LHFPL2: variants seen among roughly 807,000 people sequenced by gnomAD.
The protein encoded by LHFPL2 is LHFPL tetraspan subfamily member 2.
A neutral mutation model predicts 17.5 loss-of-function variants in LHFPL2; 7 were observed. The ratio of observed to expected loss-of-function variants is 0.40; its 90% CI spans 0.23 to 0.75. The LOEUF (loss-of-function observed/expected upper bound fraction) is 0.75, where lower values mean the gene tolerates loss of function less well. LHFPL2 is among the 30% of genes least tolerant of loss of function. LHFPL2 has a pLI of 0.37. For synonymous variants in LHFPL2, 134 were observed against 116.2 expected (o/e 1.15, Z -0.99); for missense variants, 241 against 294.8 (o/e 0.82, Z 1.34).
intron 1 of LHFPL2, among the ~76,000 whole-genome samples, chr5:78,632,946 G>C (rs531795133): frequency 2.9e-4 from 44 of 152,142 alleles, no homozygotes; most frequent in Non-Finnish European, 5.3e-4. Context: ...CAGCAAGACG[G>C]GGGGGTCCTG....
At position 78,634,388 on chromosome 5, in the gene LHFPL2, T is replaced by A. The variant is rs571349050; in HGVS notation, c.-349-2020A>T. 2.4e-4 allele frequency among the ~76,000 whole-genome samples: 37 copies of A among 152,310 alleles called. No homozygotes were observed. The South Asian group carries it at 6.6e-3, about 27-fold the overall frequency. ...GGCAGTGAGGACACTGTATTCTCAG[T>A]GCACCTCAAGTAGTGCTGCAGAAAA... is the stretch of plus-strand genomic sequence containing the variant. On this transcript the variant is annotated intron_variant, in intron 1 of 4. Transcript: ENST00000380345.
At chr5:78,511,762 GATGT>G (rs1159629319) in intron 3 of LHFPL2, among the ~76,000 whole-genome samples, 1 of 152,198 alleles carries the variant, frequency 6.6e-6, no homozygotes, top group Non-Finnish European at 1.5e-5. Flanking sequence ...CTTGAAACAT[GATGT>G]ATTTTAAAAT....
At position 78,585,010 on chromosome 5, in the gene LHFPL2, T is replaced by G. The variant is rs1184619892; in HGVS notation, c.-244-20139A>C. Among the ~76,000 whole-genome samples the G allele has an allele frequency of 1.1e-4, 6 of 53,762 alleles. 2 individuals are homozygous for G. Among genetic ancestry groups the G allele is most frequent in the Non-Finnish European group, 3.0e-4 (6 of 19,864 alleles). The allele number at this position is 53,762 out of a possible 152,430, so 35.3% of individuals were successfully genotyped here. ...GGTGCGCTGTGTTTTTTTTTTTTTT[T>G]TTTTTTTTTTTTTTGAGACGGAGTC... On this transcript the variant is annotated intron_variant, in intron 2 of 4. Coordinates refer to ENST00000380345, the MANE Select transcript of LHFPL2 (RefSeq NM_005779.3).
intron 3 of LHFPL2, among the ~76,000 whole-genome samples, chr5:78,515,662 G>T (rs554100348): frequency 2.4e-4 from 36 of 152,338 alleles, no homozygotes; most frequent in African/African-American, 8.7e-4. Flanking sequence ...GAGAATGACA[G>T]CTACCTGTTT....
At chr5:78,529,642 CA>C (rs71001112) in intron 3 of LHFPL2, among the ~76,000 whole-genome samples, 1,913 of 136,728 alleles carry the variant, frequency 0.014, 40 homozygotes, top group African/African-American at 0.048. Context: ...GACTCCGTCT[CA>C]AAAAAAAAAA....
intron 2 of LHFPL2, among the ~76,000 whole-genome samples, chr5:78,588,668 C>T (rs1163428871): frequency 6.6e-6 from 1 of 152,176 alleles, no homozygotes; most frequent in Non-Finnish European, 1.5e-5. Flanking sequence ...TGTTTAAGAG[C>T]TCTGAGGCCA....
chr5:78,640,568 T>C (rs1268476870), intron 1 of LHFPL2, among the ~76,000 whole-genome samples: 2 of 152,216 alleles, frequency 1.3e-5, no homozygotes, highest in Non-Finnish European at 2.9e-5. Context: ...TGATCCAGTT[T>C]TGTACAAAAA....
At chr5:78,570,476 G>A (rs1756967991) in intron 2 of LHFPL2, among the ~76,000 whole-genome samples, 1 of 152,064 alleles carries the variant, frequency 6.6e-6, no homozygotes, top group South Asian at 2.1e-4. Flanking sequence ...CCACCTCTGT[G>A]AACTCCTTCT....
intron 2 of LHFPL2, among the ~76,000 whole-genome samples, chr5:78,588,949 A>G (rs1743529104): frequency 6.6e-6 from 1 of 152,212 alleles, no homozygotes; most frequent in Admixed American, 6.5e-5. Flanking sequence ...GTGCTAAGAA[A>G]AGGGGAGGGA....
At chr5:78,634,250 G>T (rs1342042398) in intron 1 of LHFPL2, among the ~76,000 whole-genome samples, 2 of 152,210 alleles carry the variant, frequency 1.3e-5, no homozygotes, top group African/African-American at 4.8e-5. Context: ...TAGCACTCAG[G>T]TCATGAAGGG....
At chr5:78,514,753 C>G (rs1260252715) in intron 3 of LHFPL2, among the ~76,000 whole-genome samples, 1 of 152,186 alleles carries the variant, frequency 6.6e-6, no homozygotes, top group African/African-American at 2.4e-5. Flanking sequence ...CTGATGGGAA[C>G]AGCACACCCA....
At chr5:78,494,997 T>G (rs536241109) in intron 4 of LHFPL2, among the ~76,000 whole-genome samples, 1 of 152,192 alleles carries the variant, frequency 6.6e-6, no homozygotes, top group Non-Finnish European at 1.5e-5. Context: ...ATGTCTTAGG[T>G]AAATTTTTAA....
At chr5:78,519,785 C>A (rs748897514) in intron 3 of LHFPL2, among the ~76,000 whole-genome samples, 3 of 152,262 alleles carry the variant, frequency 2.0e-5, no homozygotes, top group African/African-American at 4.8e-5. Context: ...GGCATAAATG[C>A]GACCACTTCT....
chr5:78,627,804 G>A (rs1027728342), intron 2 of LHFPL2, among the ~76,000 whole-genome samples: 9 of 152,178 alleles, frequency 5.9e-5, no homozygotes, highest in East Asian at 1.9e-4. Flanking sequence ...TTGACACTCC[G>A]AATAATGCTC....
intron 3 of LHFPL2, among the ~76,000 whole-genome samples, chr5:78,512,016 C>T (rs956941769): frequency 2.0e-5 from 3 of 152,170 alleles, no homozygotes; most frequent in Non-Finnish European, 4.4e-5. Context: ...TAGCCTACCT[C>T]ACCAGATTGT....
intron 1 of LHFPL2, among the ~76,000 whole-genome samples, chr5:78,646,177 C>T (rs530652590): frequency 1.3e-5 from 2 of 152,292 alleles, no homozygotes; most frequent in Non-Finnish European, 2.9e-5. Flanking sequence ...TACAAACTCC[C>T]TGGAAATGGA....
At chr5:78,572,513 C>T (rs891113083) in intron 2 of LHFPL2, among the ~76,000 whole-genome samples, 53 of 146,690 alleles carry the variant, frequency 3.6e-4, no homozygotes, top group African/African-American at 1.2e-3. Flanking sequence ...TATATATATA[C>T]ACACACATAT....
chr5:78,550,250 C>T (rs1756401648), intron 3 of LHFPL2, among the ~76,000 whole-genome samples: 1 of 152,216 alleles, frequency 6.6e-6, no homozygotes, highest in Non-Finnish European at 1.5e-5. Flanking sequence ...TCTTCACAAC[C>T]AGGTTCTCCA....
chr5:78,591,853 T>G (rs923012201), intron 2 of LHFPL2, among the ~76,000 whole-genome samples: 2 of 152,094 alleles, frequency 1.3e-5, no homozygotes, highest in South Asian at 2.1e-4. Flanking sequence ...AGAACACGGA[T>G]AGGAGAAAAA....
Sources: allele counts gnomAD v4.1 joint callset (sites outside exome capture counted in the v4.1 genomes callset), GRCh38; gene constraint gnomAD v4.1.1; transcripts MANE v1.5; gene names NCBI Gene and HGNC (gene_info 2026-07-23, HGNC 2026-07-21).